Variants in ACTR2 observed in about 807,000 individuals in gnomAD.
ACTR2 encodes actin related protein 2.
Under a neutral mutation model 50.2 loss-of-function variants are expected in ACTR2, and 5 were observed. The ratio of observed to expected loss-of-function variants is 0.10; its 90% CI spans 0.05 to 0.21. The LOEUF (loss-of-function observed/expected upper bound fraction) is 0.21, where lower values mean the gene tolerates loss of function less well. ACTR2 is among the 10% of genes least tolerant of loss of function. The pLI is 1.00. For missense variants in ACTR2, 180 were observed against 480.6 expected (o/e 0.37, Z 5.85); for synonymous variants, 140 against 162.9 (o/e 0.86, Z 1.07).
chr2:65,235,109 A>G lies in ACTR2; in HGVS notation c.49-4743A>G, dbSNP rs570859386. Among the ~76,000 whole-genome samples, 5 of 152,312 alleles carry G rather than the reference A, an allele frequency of 3.3e-5. No individual in the cohort carries two copies. In the South Asian group the frequency reaches 8.3e-4, roughly 25 times the overall value. On this transcript the variant is annotated intron_variant, in intron 1 of 8. Coordinates refer to ENST00000260641, the MANE Select transcript of ACTR2 (RefSeq NM_005722.4). Reference sequence around the variant, plus strand: ...TTCCATATCATTTAAGTTTGTATCAAGTAAACTGGATTTTGACTTAAAAGA... The same window carrying G: ...TTCCATATCATTTAAGTTTGTATCAGGTAAACTGGATTTTGACTTAAAAGA...
At chr2:65,261,424 T>G in intron 7 of ACTR2, 32 bp downstream of exon 7, 1 of 1,574,586 alleles carries the variant, frequency 6.4e-7, no homozygotes, top group Non-Finnish European at 8.6e-7. Flanking sequence ...CAAAGTTATT[T>G]ATCAGAAAAA....
chr2:65,259,876 A>T (rs565410213), intron 6 of ACTR2, among the ~76,000 whole-genome samples: 1 of 152,338 alleles, frequency 6.6e-6, no homozygotes, highest in South Asian at 2.1e-4. Context: ...TATGAGAGGA[A>T]GTTTCTACTT....
chr2:65,249,605 A>T (rs1190623348), intron 3 of ACTR2, among the ~76,000 whole-genome samples: 1 of 152,058 alleles, frequency 6.6e-6, no homozygotes, highest in African/African-American at 2.4e-5. Flanking sequence ...ATTCTGTGTA[A>T]TTTTCATTGT....
chr2:65,258,878 G>A (rs1243396980), intron 6 of ACTR2, among the ~76,000 whole-genome samples: 1 of 152,194 alleles, frequency 6.6e-6, no homozygotes, highest in Non-Finnish European at 1.5e-5. Flanking sequence ...GATCTGCTGT[G>A]TGAAGTTTTT....
chr2:65,233,044 G>A (rs772862753), intron 1 of ACTR2, among the ~76,000 whole-genome samples: 1 of 150,742 alleles, frequency 6.6e-6, no homozygotes. Flanking sequence ...GCCCAGGCCA[G>A]AGTGCAGTGG....
intron 2 of ACTR2, among the ~76,000 whole-genome samples, chr2:65,243,713 T>C (rs1268038932): frequency 6.6e-6 from 1 of 152,220 alleles, no homozygotes; most frequent in Non-Finnish European, 1.5e-5. Flanking sequence ...TTGAGTTTAC[T>C]CTGTATTCTA....
rs772597483 is a variant in ACTR2, at chr2:65,265,253, A to AG, written c.1014+79dup. 10 of 1,521,804 alleles carry AG rather than the reference A, an allele frequency of 6.6e-6. No homozygotes were observed. In the East Asian group the frequency reaches 2.3e-4, roughly 34 times the overall value. 94.3% of individuals were successfully genotyped at this position (1,521,804 alleles called of 1,614,324 possible). On this transcript the variant is annotated intron_variant, in intron 8 of 8. Coordinates refer to ENST00000260641, the MANE Select transcript of ACTR2 (RefSeq NM_005722.4). Reference sequence around the variant, plus strand: ...TAGTTTGTGAATCTTGACAACCACCAGAGGGAGCAAGACGTCTTCCAAAAC... The same window carrying AG: ...TAGTTTGTGAATCTTGACAACCACCAGGAGGGAGCAAGACGTCTTCCAAAAC...
intron 8 of ACTR2, among the ~76,000 whole-genome samples, chr2:65,267,348 A>T (rs759975232): frequency 2.0e-5 from 3 of 152,214 alleles, no homozygotes; most frequent in Non-Finnish European, 2.9e-5. Context: ...GCTGACCCCT[A>T]TGTAAGAGCA....
intron 7 of ACTR2, 53 bp downstream of exon 7, chr2:65,261,445 A>G: frequency 6.7e-7 from 1 of 1,489,356 alleles, no homozygotes. Context: ...TCATAAAAAT[A>G]GTTTTAAAGT....
intron 8 of ACTR2, among the ~76,000 whole-genome samples, chr2:65,266,893 T>C (rs1422135167): frequency 6.6e-6 from 1 of 152,190 alleles, no homozygotes; most frequent in African/African-American, 2.4e-5. Context: ...GTGCAATTTG[T>C]CTGTAGGAAT....
chr2:65,236,561 G>GTT (rs112883776), intron 1 of ACTR2, among the ~76,000 whole-genome samples: 5 of 151,750 alleles, frequency 3.3e-5, no homozygotes, highest in African/African-American at 9.7e-5. Flanking sequence ...TTGGTTTTTT[G>GTT]TTTTTTTGGG....
intron 2 of ACTR2, among the ~76,000 whole-genome samples, chr2:65,243,228 G>A (rs550570005): frequency 4.3e-4 from 66 of 152,068 alleles, no homozygotes; most frequent in Non-Finnish European, 7.4e-4. Flanking sequence ...GCAGTGAGCC[G>A]AGATCACGCC....
intron 2 of ACTR2, among the ~76,000 whole-genome samples, chr2:65,244,495 TATCTGTTC>T (rs1671898330): frequency 1.3e-5 from 2 of 152,358 alleles, no homozygotes; most frequent in East Asian, 1.9e-4. Flanking sequence ...ATTTATTACA[TATCTGTTC>T]ATCTGTTCAT....
At chr2:65,267,440 C>T (rs2104026340) in intron 8 of ACTR2, among the ~76,000 whole-genome samples, 1 of 152,256 alleles carries the variant, frequency 6.6e-6, no homozygotes, top group Non-Finnish European at 1.5e-5. Flanking sequence ...TGTTAGAACC[C>T]TTACAGTTCA....
intron 5 of ACTR2, 66 bp from the exon 6 acceptor site, chr2:65,255,479 A>T: frequency 7.0e-7 from 1 of 1,422,620 alleles, no homozygotes; most frequent in Non-Finnish European, 9.6e-7. Context: ...AATGAGCATT[A>T]CTAGCTTTTG....
At position 65,239,851 on chromosome 2, in the gene ACTR2, G is replaced by T; in HGVS notation, c.49-1G>T. The T allele has an allele frequency of 6.3e-7, 1 of 1,590,504 alleles. No individual in the cohort carries two copies. ...ACTTTTATTTTACTGTTTCATTCCAGTTTGTGAAGTGTGGATATGCAGGCT... is the reference window on the plus strand; with the variant it reads ...ACTTTTATTTTACTGTTTCATTCCATTTTGTGAAGTGTGGATATGCAGGCT... On this transcript the variant is annotated splice_acceptor_variant, in intron 1 of 8. Transcript: ENST00000260641. LOFTEE classifies it high-confidence loss of function.
chr2:65,254,660 G>C (rs1672114614), intron 5 of ACTR2, among the ~76,000 whole-genome samples: 1 of 152,160 alleles, frequency 6.6e-6, no homozygotes, highest in Non-Finnish European at 1.5e-5. Context: ...GGGCAGGAAT[G>C]CTACTGAACA....
At chr2:65,253,306 G>A (rs1485601683) in intron 4 of ACTR2, among the ~76,000 whole-genome samples, 1 of 152,024 alleles carries the variant, frequency 6.6e-6, no homozygotes, top group African/African-American at 2.4e-5. Flanking sequence ...GCCAGGCATG[G>A]TGGTGCATGC....
chr2:65,269,298 GGGT>G lies in ACTR2; in HGVS notation c.*565_*567del, dbSNP rs1672443594. 6.6e-6 allele frequency: 1 copy of G among 151,804 alleles called. No individual in the cohort carries two copies. Among genetic ancestry groups the G allele is most frequent in the Non-Finnish European group, 1.5e-5 (1 of 67,982 alleles). 9.4% of individuals were successfully genotyped at this position (151,804 alleles called of 1,614,324 possible). The stretch of plus-strand genomic sequence containing the variant: ...GGTTCAGAACTAAAGTGTTTTGGGT[GGGT>G]TTTGTTGCGGGGGGGAGGGTAACAA... On this transcript the variant is annotated 3_prime_UTR_variant, in exon 9 of 9. Coordinates refer to ENST00000260641, the MANE Select transcript of ACTR2 (RefSeq NM_005722.4).
Sources: allele counts gnomAD v4.1 joint callset (sites outside exome capture counted in the v4.1 genomes callset), GRCh38; gene constraint gnomAD v4.1.1; transcripts MANE v1.5; gene names NCBI Gene and HGNC (gene_info 2026-07-23, HGNC 2026-07-21).